The following TRMT11 variants were observed in gnomAD, a reference collection of about 807,000 sequenced individuals.
TRMT11 encodes tRNA (guanine(10)-N(2))-methyltransferase TRMT11.
In TRMT11, 53 loss-of-function variants were observed where a neutral mutation model predicts 62.8. The observed-to-expected ratio is 0.84, with a 90% CI of 0.68 to 1.06. TRMT11 has a LOEUF of 1.06. Ranked by LOEUF, TRMT11 falls within the 50% of genes least tolerant of loss-of-function variation. The probability of loss-of-function intolerance (pLI) is 0.00; values close to 1 mark genes in which losing one functional copy is unlikely to be tolerated. For missense variants in TRMT11, 556 were observed against 553.4 expected (o/e 1.00, Z -0.05); for synonymous variants, 188 against 190.3 (o/e 0.99, Z 0.10).
chr6:126,208,997 C>T, the TRMT11 span, among the ~76,000 whole-genome samples: 1 of 152,198 alleles, frequency 6.6e-6, no homozygotes, highest in Non-Finnish European at 1.5e-5. Flanking sequence ...GCATTTTCAG[C>T]AGAGATGGAG....
chr6:126,257,906 C>T, the TRMT11 span: 33 of 1,497,698 alleles, frequency 2.2e-5, no homozygotes, highest in African/African-American at 3.6e-4. Flanking sequence ...CACCATTCAC[C>T]TGGGTCAAGG....
chr6:126,077,939 T>C (rs922742452), intron 17 of TRMT11, among the ~76,000 whole-genome samples: 1 of 152,150 alleles, frequency 6.6e-6, no homozygotes, highest in Non-Finnish European at 1.5e-5. Context: ...TCATAGACTG[T>C]GTACCTATCC....
At chr6:126,008,829 G>A (rs1333919329) in intron 8 of TRMT11, 6 of 347,100 alleles carry the variant, frequency 1.7e-5, no homozygotes, top group African/African-American at 1.6e-4. Context: ...TGAGGAGTGG[G>A]CACCCCAACC....
chr6:126,213,547 G>A, the TRMT11 span, among the ~76,000 whole-genome samples: 1 of 151,868 alleles, frequency 6.6e-6, no homozygotes, highest in East Asian at 1.9e-4. Flanking sequence ...TTTTCAGATT[G>A]TTTGCTGTTG....
intron 17 of TRMT11, among the ~76,000 whole-genome samples, chr6:126,076,358 T>C (rs1777024035): frequency 6.6e-6 from 1 of 152,184 alleles, no homozygotes; most frequent in Non-Finnish European, 1.5e-5. Context: ...GCCCATATAA[T>C]GCCATCAGTG....
At chr6:126,190,974 T>C (rs962016261) in intron 1 of TRMT11, among the ~76,000 whole-genome samples, 2 of 152,168 alleles carry the variant, frequency 1.3e-5, no homozygotes, top group Non-Finnish European at 2.9e-5. Flanking sequence ...TGCTGGATCA[T>C]AGGATAGTTC....
upstream of TRMT11, among the ~76,000 whole-genome samples, chr6:126,172,656 G>A (rs759188312): frequency 1.3e-5 from 2 of 151,932 alleles, no homozygotes; most frequent in Non-Finnish European, 2.9e-5. Context: ...TGTCCCATCC[G>A]TCCAATATTT....
chr6:126,008,143 A>T (rs2128805702), intron 7 of TRMT11, among the ~76,000 whole-genome samples: 1 of 152,162 alleles, frequency 6.6e-6, no homozygotes, highest in Admixed American at 6.6e-5. Context: ...ACCAAAAAAA[A>T]GATAAAATAG....
chr6:126,054,723 T>C (rs1172724884), intron 17 of TRMT11, among the ~76,000 whole-genome samples: 1 of 152,204 alleles, frequency 6.6e-6, no homozygotes, highest in East Asian at 1.9e-4. Flanking sequence ...TCTGGTGATA[T>C]ACATAAAGGA....
intron 11 of TRMT11, 70 bp downstream of exon 11, chr6:126,013,171 C>A: frequency 7.2e-7 from 1 of 1,397,734 alleles, no homozygotes; most frequent in Non-Finnish European, 9.8e-7. Context: ...ATAATTTTCT[C>A]TTTATCTCTT....
At position 126,011,302 on chromosome 6, in the gene TRMT11, T is replaced by C. The variant is rs374592174; in HGVS notation, c.810T>C (p.Ile270=). 2.5e-6 allele frequency: 4 copies of C among 1,613,334 alleles called. No individual in the cohort carries two copies. The African/African-American group carries it at 5.3e-5, about 22-fold the overall frequency. The change falls in exon 9 of 13, where the codon ATT becomes ATC. Residue 270 remains isoleucine, a synonymous_variant. Transcript: ENST00000334379. ...AGTGGAGAGGACCAGATGAAAACAT[T>C]AGGGCCAATCTTCGTCAATATGGTT... ...NQKWRGPDEN[I]RANLRQYGLE...
chr6:126,125,087 C>T (rs572338326), intron 21 of TRMT11, among the ~76,000 whole-genome samples: 94 of 152,128 alleles, frequency 6.2e-4, no homozygotes, highest in Admixed American at 1.8e-3. Context: ...TTTCCAGGGC[C>T]CTGTGGCTCA....
chr6:126,236,079 T>C, the TRMT11 span, among the ~76,000 whole-genome samples: 2 of 152,342 alleles, frequency 1.3e-5, no homozygotes, highest in Admixed American at 6.5e-5. Flanking sequence ...CTAAATGGAC[T>C]TAACCATTAT....
intron 16 of TRMT11, among the ~76,000 whole-genome samples, chr6:126,052,137 A>G (rs1201259753): frequency 6.6e-6 from 1 of 152,204 alleles, no homozygotes; most frequent in Non-Finnish European, 1.5e-5. Context: ...AGCTGCGAGA[A>G]TAACACTGGC....
chr6:126,080,114 T>TTGTTG (rs529170459), intron 17 of TRMT11, among the ~76,000 whole-genome samples: 6 of 151,760 alleles, frequency 4.0e-5, no homozygotes, highest in African/African-American at 9.7e-5. Flanking sequence ...TGTTGTTGTT[T>TTGTTG]TTTTAGAGAC....
intron 17 of TRMT11, among the ~76,000 whole-genome samples, chr6:126,064,745 G>A (rs1420604020): frequency 2.6e-5 from 4 of 152,196 alleles, no homozygotes; most frequent in Admixed American, 2.6e-4. Flanking sequence ...GAAAAGGAAG[G>A]AGACAGCTCT....
chr6:126,145,576 C>T (rs1777965279), intron 21 of TRMT11, among the ~76,000 whole-genome samples: 1 of 152,088 alleles, frequency 6.6e-6, no homozygotes, highest in Non-Finnish European at 1.5e-5. Flanking sequence ...ATTTTGTTCC[C>T]AGAAGGCACT....
At chr6:126,067,440 A>G (rs1317541674) in intron 17 of TRMT11, among the ~76,000 whole-genome samples, 1 of 152,164 alleles carries the variant, frequency 6.6e-6, no homozygotes, top group Non-Finnish European at 1.5e-5. Context: ...GGCATCTTCA[A>G]ACAGAGTTTA....
the TRMT11 span, among the ~76,000 whole-genome samples, chr6:126,218,873 C>G: frequency 6.6e-6 from 1 of 152,166 alleles, no homozygotes; most frequent in Non-Finnish European, 1.5e-5. Flanking sequence ...TGGTAGAACT[C>G]AAGTTCTGAC....
Sources: allele counts gnomAD v4.1 joint callset (sites outside exome capture counted in the v4.1 genomes callset), GRCh38; gene constraint gnomAD v4.1.1; transcripts MANE v1.5; gene names NCBI Gene and HGNC (gene_info 2026-07-23, HGNC 2026-07-21).